The following ANKRD6 variants were observed in gnomAD, a reference collection of about 807,000 sequenced individuals.
ANKRD6 encodes the protein ankyrin repeat domain-containing protein 6.
ANKRD6 carries 56 observed loss-of-function variants against 82.3 expected under a neutral mutation model. That is an observed-to-expected ratio of 0.68 (90% CI 0.55 to 0.85). ANKRD6 has a LOEUF of 0.85. Among genes scored for constraint, ANKRD6 ranks in the 40% least tolerant of loss-of-function variants. The probability of loss-of-function intolerance (pLI) is 0.00; values close to 1 mark genes in which losing one functional copy is unlikely to be tolerated. For synonymous variants in ANKRD6, 347 were observed against 352.1 expected, an observed-to-expected ratio of 0.99 and a Z score of 0.16; for missense variants, 852 against 907.6, an observed-to-expected ratio of 0.94 and a Z score of 0.79.
chr6:89,611,895 A>G (rs1041575810), intron 5 of ANKRD6, among the ~76,000 whole-genome samples: 5 of 152,254 alleles, frequency 3.3e-5, no homozygotes, highest in African/African-American at 1.2e-4. Context: ...AGTACTGTGC[A>G]TGTGTCCAGC....
intron 1 of ANKRD6, among the ~76,000 whole-genome samples, chr6:89,532,222 C>T (rs1462308009): frequency 1.3e-5 from 2 of 152,198 alleles, no homozygotes; most frequent in African/African-American, 4.8e-5. Flanking sequence ...TCATGTTTAA[C>T]CAAATATCAG....
At chr6:89,533,754 G>C (rs1783482297) in intron 1 of ANKRD6, among the ~76,000 whole-genome samples, 1 of 151,850 alleles carries the variant, frequency 6.6e-6, no homozygotes, top group Admixed American at 6.6e-5. Flanking sequence ...GTGTGTGTGT[G>C]TGTGTGTGTG....
At chr6:89,584,473 G>T (rs1793276909) in intron 2 of ANKRD6, among the ~76,000 whole-genome samples, 1 of 152,170 alleles carries the variant, frequency 6.6e-6, no homozygotes, top group Non-Finnish European at 1.5e-5. Flanking sequence ...CCAGGAACTT[G>T]TCGGGACACT....
intron 1 of ANKRD6, among the ~76,000 whole-genome samples, chr6:89,463,887 C>T (rs1304543129): frequency 1.3e-5 from 2 of 152,180 alleles, no homozygotes; most frequent in African/African-American, 4.8e-5. Context: ...AATTGACCCT[C>T]ATTTTGGGGT....
At position 89,463,754 on chromosome 6, in the gene ANKRD6, T is replaced by A. The variant is rs1218307162; in HGVS notation, c.-144+30379T>A. ...TTAGTAGAGATGGGGCTTCACCATG[T>A]CTGGCAGGCTGTTCTTGAACTCCTG... On this transcript the variant is annotated intron_variant, in intron 1 of 15. Coordinates refer to ENST00000339746, the MANE Select transcript of ANKRD6 (RefSeq NM_001242809.2). Among the ~76,000 whole-genome samples the A allele has an allele frequency of 3.3e-5, 5 of 152,164 alleles. No homozygotes were observed. In the East Asian group the frequency reaches 9.6e-4, roughly 29 times the overall value.
intron 1 of ANKRD6, among the ~76,000 whole-genome samples, chr6:89,435,624 C>T (rs904930724): frequency 6.6e-6 from 1 of 152,206 alleles, no homozygotes; most frequent in African/African-American, 2.4e-5. Flanking sequence ...TCCTGTCTCC[C>T]TGGCACGGAT....
intron 13 of ANKRD6, 88 bp downstream of exon 13, chr6:89,624,779 C>T: frequency 6.8e-7 from 1 of 1,467,550 alleles, no homozygotes; most frequent in Non-Finnish European, 9.1e-7. Flanking sequence ...CACACCCTTC[C>T]ACCCTGGGAG....
chr6:89,618,711 A>G (rs936261232), intron 9 of ANKRD6, among the ~76,000 whole-genome samples: 2 of 152,148 alleles, frequency 1.3e-5, no homozygotes, highest in African/African-American at 4.8e-5. Context: ...ATTTTTACAT[A>G]ATTGTGCTTA....
intron 6 of ANKRD6, 144 bp from the exon 7 acceptor site, chr6:89,613,648 A>G (rs1800784423): frequency 1.1e-5 from 8 of 738,060 alleles, no homozygotes; most frequent in Non-Finnish European, 1.8e-5. Context: ...CTTGGGGTGG[A>G]GCATCTATGT....
At chr6:89,585,141 G>T (rs1793428327) in intron 2 of ANKRD6, among the ~76,000 whole-genome samples, 1 of 152,090 alleles carries the variant, frequency 6.6e-6, no homozygotes, top group South Asian at 2.1e-4. Flanking sequence ...TACAGAAAAA[G>T]AATTTGACAA....
intron 1 of ANKRD6, chr6:89,504,887 G>T (rs541786152): frequency 6.6e-6 from 1 of 152,106 alleles, no homozygotes; most frequent in Non-Finnish European, 1.5e-5. Flanking sequence ...CAATTAAATC[G>T]CATGCACGTC....
At chr6:89,553,120 G>A (rs1004508762) in intron 1 of ANKRD6, among the ~76,000 whole-genome samples, 9 of 152,218 alleles carry the variant, frequency 5.9e-5, no homozygotes, top group Non-Finnish European at 1.2e-4. Flanking sequence ...AGGGATGAGA[G>A]GGAAGAGCAG....
chr6:89,458,002 C>T (rs1321963355), intron 1 of ANKRD6, among the ~76,000 whole-genome samples: 1 of 152,170 alleles, frequency 6.6e-6, no homozygotes, highest in Non-Finnish European at 1.5e-5. Context: ...CTTTCTAGGC[C>T]TCTTGCCACC....
At chr6:89,522,726 C>T (rs1398723715) in intron 1 of ANKRD6, among the ~76,000 whole-genome samples, 4 of 152,104 alleles carry the variant, frequency 2.6e-5, no homozygotes, top group Non-Finnish European at 1.5e-5. Flanking sequence ...TAGGGAGTAA[C>T]ATCTCTTGAT....
At chr6:89,507,470 T>G (rs763255564) in intron 1 of ANKRD6, among the ~76,000 whole-genome samples, 11 of 152,206 alleles carry the variant, frequency 7.2e-5, no homozygotes, top group Non-Finnish European at 1.5e-4. Flanking sequence ...TTGAGCAATG[T>G]TCTGTAAAAG....
intron 1 of ANKRD6, among the ~76,000 whole-genome samples, chr6:89,486,000 A>C (rs1777322833): frequency 6.6e-6 from 1 of 152,244 alleles, no homozygotes. Flanking sequence ...AAGAAAATTC[A>C]ACTAAGAAAA....
chr6:89,495,543 T>A (rs1007296168), intron 1 of ANKRD6, among the ~76,000 whole-genome samples: 1 of 152,168 alleles, frequency 6.6e-6, no homozygotes, highest in African/African-American at 2.4e-5. Context: ...ATAAATGGAA[T>A]CAACTCTACA....
intron 1 of ANKRD6, among the ~76,000 whole-genome samples, chr6:89,532,121 C>T (rs1783233164): frequency 6.6e-6 from 1 of 152,108 alleles, no homozygotes; most frequent in Admixed American, 6.5e-5. Context: ...ATGGATGAGG[C>T]CCACACACAT....
At chr6:89,595,658 G>A (rs1379105368) in intron 2 of ANKRD6, among the ~76,000 whole-genome samples, 1 of 152,036 alleles carries the variant, frequency 6.6e-6, no homozygotes, top group Non-Finnish European at 1.5e-5. Context: ...CTGATGAGTG[G>A]AGAGTAGAAA....
Sources: allele counts gnomAD v4.1 joint callset (sites outside exome capture counted in the v4.1 genomes callset), GRCh38; gene constraint gnomAD v4.1.1; transcripts MANE v1.5; gene names NCBI Gene and HGNC (gene_info 2026-07-23, HGNC 2026-07-21).